Variants in TTLL5 observed in about 807,000 individuals in gnomAD.
TTLL5 encodes tubulin tyrosine ligase like 5.
Under a neutral mutation model 168.4 loss-of-function variants are expected in TTLL5, and 132 were observed. The observed-to-expected ratio is 0.78, with a 90% CI of 0.68 to 0.91. TTLL5 has a LOEUF of 0.91. TTLL5 is among the 40% of genes least tolerant of loss of function. TTLL5 has a pLI of 0.00. For synonymous variants in TTLL5, 546 were observed against 558.6 expected (o/e 0.98, Z 0.32); for missense variants, 1,545 against 1,581.5 (o/e 0.98, Z 0.39).
intron 31 of TTLL5, among the ~76,000 whole-genome samples, chr14:75,918,474 C>T (rs2033698080): frequency 6.6e-6 from 1 of 152,124 alleles, no homozygotes; most frequent in African/African-American, 2.4e-5. Context: ...TTCCTTGACC[C>T]AAATTTGCCC....
At chr14:75,819,594 G>A (rs532578353) in intron 27 of TTLL5, among the ~76,000 whole-genome samples, 1 of 152,170 alleles carries the variant, frequency 6.6e-6, no homozygotes, top group South Asian at 2.1e-4. Flanking sequence ...TGGATTCTTT[G>A]TGTATTATAA....
In TTLL5 at chr14:75,707,604, A is replaced by G; in HGVS notation, c.656-19A>G. ...ATGAACTTAGTTTTTTTTTGTGAATACAAACTTTTTTTTTTTAGATTTCAA... is the reference window on the plus strand; with the variant it reads ...ATGAACTTAGTTTTTTTTTGTGAATGCAAACTTTTTTTTTTTAGATTTCAA... On this transcript the variant is annotated intron_variant, in intron 8 of 31. Coordinates refer to ENST00000298832, the MANE Select transcript of TTLL5 (RefSeq NM_015072.5). 6.2e-7 allele frequency: 1 copy of G among 1,600,322 alleles called. No individual in the cohort carries two copies. The highest frequency in any genetic ancestry group is 8.5e-7 in the Non-Finnish European group (1 of 1,174,662).
chr14:75,681,374 C>T (rs1042021379), intron 3 of TTLL5, among the ~76,000 whole-genome samples, 171 bp from the exon 4 acceptor site: 8 of 152,088 alleles, frequency 5.3e-5, no homozygotes, highest in African/African-American at 1.9e-4. Context: ...TAATGACCTC[C>T]AAAGAGTCTC....
At chr14:75,702,666 C>CT (rs34817539) in intron 7 of TTLL5, among the ~76,000 whole-genome samples, 91,700 of 151,902 alleles carry the variant, frequency 0.6, 29,035 homozygotes, top group Non-Finnish European at 0.7. Flanking sequence ...GGTGACATGT[C>CT]TTAGAGAATG....
intron 2 of TTLL5, among the ~76,000 whole-genome samples, chr14:75,668,055 GGCCCGA>G: frequency 6.6e-6 from 1 of 152,100 alleles, no homozygotes; most frequent in East Asian, 1.9e-4. Flanking sequence ...CACCGTGTCC[GGCCCGA>G]GTGTGGATCT....
At chr14:75,766,938 C>T (rs1354949513) in intron 20 of TTLL5, among the ~76,000 whole-genome samples, 4 of 152,062 alleles carry the variant, frequency 2.6e-5, no homozygotes, top group East Asian at 3.9e-4. Flanking sequence ...CCGAGGTGGT[C>T]GGATCACCTA....
At chr14:75,853,591 A>C (rs1896984848) in intron 28 of TTLL5, among the ~76,000 whole-genome samples, 1 of 152,254 alleles carries the variant, frequency 6.6e-6, no homozygotes, top group African/African-American at 2.4e-5. Context: ...AGTATTGCAA[A>C]GTACAAGAGA....
At chr14:75,818,462 G>C in intron 27 of TTLL5, 1 of 394,162 alleles carries the variant, frequency 2.5e-6, no homozygotes, top group Non-Finnish European at 4.9e-6. Flanking sequence ...ATATTAGCGT[G>C]TTCCTATATC....
intron 28 of TTLL5, among the ~76,000 whole-genome samples, chr14:75,860,635 C>G (rs1482007487): frequency 6.6e-6 from 1 of 152,180 alleles, no homozygotes; most frequent in Non-Finnish European, 1.5e-5. Context: ...GGTTAGCCAG[C>G]TAAAGCAGTT....
At chr14:75,904,712 A>G (rs965464347) in intron 31 of TTLL5, among the ~76,000 whole-genome samples, 6 of 152,178 alleles carry the variant, frequency 3.9e-5, no homozygotes, top group African/African-American at 1.4e-4. Context: ...TTATGGTAAC[A>G]AGCAGATCAT....
intron 29 of TTLL5, among the ~76,000 whole-genome samples, chr14:75,868,852 C>T (rs1272600307): frequency 6.6e-6 from 1 of 152,152 alleles, no homozygotes; most frequent in African/African-American, 2.4e-5. Flanking sequence ...AGAAATTCAG[C>T]AGGCACCCTG....
rs1003999360 is a variant in TTLL5 at position 75,845,764 on chromosome 14, C to G, written c.3327-17903C>G. On this transcript the variant is annotated intron_variant, in intron 28 of 31. Transcript: ENST00000298832. Reference sequence around the variant, plus strand: ...AACTGATGGCCCAAGAATTTGAGTCCAGGTCTTTCTGATGTGAAAGCTCAT... The same window carrying G: ...AACTGATGGCCCAAGAATTTGAGTCGAGGTCTTTCTGATGTGAAAGCTCAT... Among the ~76,000 whole-genome samples the G allele has an allele frequency of 2.6e-5, 4 of 152,140 alleles. 1 individual carries two copies. Among genetic ancestry groups the G allele is most frequent in the African/African-American group, 9.7e-5 (4 of 41,428 alleles).
intron 27 of TTLL5, among the ~76,000 whole-genome samples, chr14:75,816,337 T>C (rs1022806425): frequency 6.6e-6 from 1 of 152,174 alleles, no homozygotes; most frequent in African/African-American, 2.4e-5. Flanking sequence ...GGAGAATCAC[T>C]TGAACTCAGG....
chr14:75,712,912 GA>G (rs773432252), intron 9 of TTLL5, among the ~76,000 whole-genome samples: 5 of 152,154 alleles, frequency 3.3e-5, no homozygotes, highest in Non-Finnish European at 5.9e-5. Context: ...AAAAAGGGGG[GA>G]GGGGGCGGCA....
intron 15 of TTLL5, among the ~76,000 whole-genome samples, chr14:75,742,777 G>A (rs1159992609): frequency 6.6e-6 from 1 of 152,138 alleles, no homozygotes; most frequent in Non-Finnish European, 1.5e-5. Context: ...AGTAGTGTGT[G>A]ATCATGAGAA....
chr14:75,936,975 A>G (rs1200153739), intron 31 of TTLL5, among the ~76,000 whole-genome samples: 1 of 152,230 alleles, frequency 6.6e-6, no homozygotes, highest in African/African-American at 2.4e-5. Flanking sequence ...AATTCATGCA[A>G]TAAGCACTTT....
rs541400148 is a variant in TTLL5, at chr14:75,735,266, C to G, written c.1258C>G (p.Arg420Gly). The change falls in exon 15 of 32, where the codon CGA becomes GGA. Residue 420 changes from arginine (R) to glycine (G), a missense_variant. Arg to Gly is a moderately radical substitution (Grantham distance 125). Coordinates refer to ENST00000298832, the MANE Select transcript of TTLL5 (RefSeq NM_015072.5). ...TTATCCCACCTTTGAGTCTTCCAGGCGAAACCCTTTCCAGAAACCTCAGGT... is the reference window on the plus strand; with the variant it reads ...TTATCCCACCTTTGAGTCTTCCAGGGGAAACCCTTTCCAGAAACCTCAGGT... ...PIYPTFESSR[R>G]NPFQKPQRCR... 8.5e-5 allele frequency: 137 copies of G among 1,614,202 alleles called. 1 individual carries two copies. The South Asian group carries it at 1.4e-3, about 17-fold the overall frequency.
At chr14:75,790,016 A>G (rs1892603544) in intron 26 of TTLL5, among the ~76,000 whole-genome samples, 1 of 152,226 alleles carries the variant, frequency 6.6e-6, no homozygotes, top group African/African-American at 2.4e-5. Flanking sequence ...GACCAGTGGA[A>G]CAGAATAGAA....
Position 75,953,985 on chromosome 14 carries a change from A to G in TTLL5, c.3824-439A>G, listed in dbSNP as rs151146076. Among the ~76,000 whole-genome samples the G allele has an allele frequency of 3.6e-4, 55 of 152,296 alleles. 1 individual carries two copies. Among genetic ancestry groups the G allele is most frequent in the Admixed American group, 3.1e-3 (47 of 15,296 alleles). Reference sequence around the variant, plus strand: ...GCTTTGTGGCCAGGCGCAGTGGCTCACACCTGTAATCCCAGCACTTTGGGA... The same window carrying G: ...GCTTTGTGGCCAGGCGCAGTGGCTCGCACCTGTAATCCCAGCACTTTGGGA... On this transcript the variant is annotated intron_variant, in intron 31 of 31. Coordinates refer to ENST00000298832, the MANE Select transcript of TTLL5 (RefSeq NM_015072.5).
Sources: gnomAD v4.1 joint callset for allele counts (sites outside exome capture counted in the v4.1 genomes callset) on GRCh38, gnomAD v4.1.1 for gene constraint, MANE v1.5 for transcripts, NCBI Gene and HGNC (gene_info 2026-07-23, HGNC 2026-07-21) for gene names.